DLGAP1: variants seen among roughly 807,000 people sequenced by gnomAD.
The protein encoded by DLGAP1 is DLG associated protein 1.
In DLGAP1, 11 loss-of-function variants were observed where a neutral mutation model predicts 90.8. The observed-to-expected ratio is 0.12, with a 90% confidence interval of 0.08 to 0.20. The LOEUF (loss-of-function observed/expected upper bound fraction) is 0.20. Ranked by LOEUF, DLGAP1 falls within the 10% of genes least tolerant of loss-of-function variation. DLGAP1 has a pLI of 1.00. For synonymous variants in DLGAP1, 558 were observed against 540.7 expected, an observed-to-expected ratio of 1.03 and a Z score of -0.44; for missense variants, 1,050 against 1,333.8, an observed-to-expected ratio of 0.79 and a Z score of 3.31.
rs1357453120 is a variant in DLGAP1, at chr18:3,551,711, C to A, written c.2057+15779G>T. Among the ~76,000 whole-genome samples, 87 of 33,950 alleles carry A rather than the reference C, an allele frequency of 2.6e-3. 2 individuals are homozygous for A. Among genetic ancestry groups the A allele is most frequent in the African/African-American group, 0.013 (86 of 6,620 alleles). 22.3% of individuals were successfully genotyped at this position (33,950 alleles called of 152,430 possible). A position where few individuals can be genotyped will look rare whatever the true frequency, so the allele number is the denominator to read the frequency against. On this transcript the variant is annotated intron_variant, in intron 9 of 12. Coordinates refer to ENST00000315677, the MANE Select transcript of DLGAP1 (RefSeq NM_004746.4). ...CCCTCCCTCCCTCCCTCCCTCCCTC[C>A]CTCCCTCCCTCCCTTCCTTCCTTCC...
chr18:4,005,860 T>A (rs1159405434), intron 2 of DLGAP1, among the ~76,000 whole-genome samples: 4 of 152,216 alleles, frequency 2.6e-5, no homozygotes, highest in Non-Finnish European at 2.9e-5. Context: ...TTGGTAATTT[T>A]TTTTTATCTG....
intron 2 of DLGAP1, among the ~76,000 whole-genome samples, chr18:4,128,380 C>A (rs1159237324): frequency 1.3e-5 from 2 of 152,144 alleles, no homozygotes; most frequent in Non-Finnish European, 1.5e-5. Context: ...ACTTGAGCAT[C>A]TGTGGATTTT....
At chr18:3,963,869 A>C (rs1296396730) in intron 3 of DLGAP1, among the ~76,000 whole-genome samples, 1 of 152,226 alleles carries the variant, frequency 6.6e-6, no homozygotes, top group Non-Finnish European at 1.5e-5. Flanking sequence ...TGTACAAAGA[A>C]AAAGGAAGGT....
At chr18:3,558,469 G>A (rs1427184732) in intron 9 of DLGAP1, among the ~76,000 whole-genome samples, 1 of 152,132 alleles carries the variant, frequency 6.6e-6, no homozygotes, top group African/African-American at 2.4e-5. Context: ...CTGACCTCAA[G>A]TGATCCGCCC....
At position 4,093,234 on chromosome 18, in the gene DLGAP1, G is replaced by T. The variant is rs554179566; in HGVS notation, c.-159+57946C>A. ...AAGTGAAGGCTACATTACAACTATT[G>T]AATAAGAATATTTTAAGGAAGAAAA... is the stretch of plus-strand genomic sequence containing the variant. On this transcript the variant is annotated intron_variant, in intron 2 of 12. Transcript: ENST00000315677. Among the ~76,000 whole-genome samples, 4 of 152,178 alleles carry T rather than the reference G, an allele frequency of 2.6e-5. No homozygotes were observed. The East Asian group carries it at 5.8e-4, about 22-fold the overall frequency.
intron 3 of DLGAP1, among the ~76,000 whole-genome samples, chr18:3,919,204 T>C (rs1599159287): frequency 6.6e-6 from 1 of 152,362 alleles, no homozygotes; most frequent in Non-Finnish European, 1.5e-5. Context: ...TGAGAAACAC[T>C]TGAAATTCAC....
intron 5 of DLGAP1, among the ~76,000 whole-genome samples, chr18:3,764,657 C>T (rs1354311195): frequency 6.6e-6 from 1 of 152,200 alleles, no homozygotes; most frequent in Non-Finnish European, 1.5e-5. Flanking sequence ...TTGCAAGACT[C>T]ATATGAAGGT....
intron 1 of DLGAP1, among the ~76,000 whole-genome samples, chr18:4,451,221 T>G (rs1032362851): frequency 6.6e-5 from 10 of 152,206 alleles, no homozygotes; most frequent in Admixed American, 6.6e-4. Context: ...TACCAACCTC[T>G]GTACAATCAG....
intron 1 of DLGAP1, among the ~76,000 whole-genome samples, chr18:4,323,356 T>C (rs932673059): frequency 7.2e-5 from 11 of 152,152 alleles, no homozygotes; most frequent in Non-Finnish European, 2.9e-5. Context: ...AGCACAGCTA[T>C]TACAGAAACC....
At chr18:4,131,589 G>C (rs1475552714) in intron 2 of DLGAP1, among the ~76,000 whole-genome samples, 1 of 152,088 alleles carries the variant, frequency 6.6e-6, no homozygotes. Context: ...TTTGATCCAC[G>C]AGATGAGGTC....
chr18:3,704,768 C>T (rs2061382859), intron 7 of DLGAP1, among the ~76,000 whole-genome samples: 1 of 152,096 alleles, frequency 6.6e-6, no homozygotes, highest in Non-Finnish European at 1.5e-5. Context: ...TTGGAGGTAT[C>T]TTGCCAAGAG....
chr18:3,725,977 T>G (rs1370604505), intron 7 of DLGAP1, among the ~76,000 whole-genome samples: 1 of 152,196 alleles, frequency 6.6e-6, no homozygotes, highest in Non-Finnish European at 1.5e-5. Flanking sequence ...TAATAGCATA[T>G]TTTGCTGAAA....
At chr18:4,245,556 T>C (rs1187122664) in intron 1 of DLGAP1, among the ~76,000 whole-genome samples, 1 of 152,194 alleles carries the variant, frequency 6.6e-6, no homozygotes, top group Non-Finnish European at 1.5e-5. Context: ...TATTATTTTT[T>C]ATAAGCAATA....
intron 8 of DLGAP1, chr18:3,571,222 G>C (rs1372985980): frequency 3.3e-5 from 5 of 151,760 alleles, no homozygotes; most frequent in Non-Finnish European, 7.4e-5. Context: ...TGCTGGATGA[G>C]ATCTTGCTAT....
intron 8 of DLGAP1, among the ~76,000 whole-genome samples, chr18:3,581,205 G>C (rs2055489067): frequency 6.6e-6 from 1 of 152,202 alleles, no homozygotes; most frequent in South Asian, 2.1e-4. Context: ...GAGAAGGAGG[G>C]AAATGAGGGG....
chr18:3,915,608 T>G (rs994828616), intron 3 of DLGAP1, among the ~76,000 whole-genome samples: 1 of 152,166 alleles, frequency 6.6e-6, no homozygotes, highest in South Asian at 2.1e-4. Context: ...GGTTTTAAGA[T>G]CAATTAAATC....
intron 2 of DLGAP1, among the ~76,000 whole-genome samples, chr18:4,067,179 G>A (rs1288597401): frequency 6.6e-6 from 1 of 152,054 alleles, no homozygotes; most frequent in African/African-American, 2.4e-5. Flanking sequence ...TTACCTGAAG[G>A]TGGAGGTTGG....
At chr18:4,343,689 A>G (rs2081249169) in intron 1 of DLGAP1, among the ~76,000 whole-genome samples, 1 of 152,072 alleles carries the variant, frequency 6.6e-6, no homozygotes, top group African/African-American at 2.4e-5. Context: ...TAGGAGAAAT[A>G]CCTAATGTAG....
At chr18:4,448,976 T>C (rs1441722489) in intron 1 of DLGAP1, among the ~76,000 whole-genome samples, 2 of 152,206 alleles carry the variant, frequency 1.3e-5, no homozygotes, top group Non-Finnish European at 2.9e-5. Context: ...GAACTTTTGC[T>C]TTCTTCCACT....
Sources: gnomAD v4.1 joint callset for allele counts (sites outside exome capture counted in the v4.1 genomes callset) on GRCh38, gnomAD v4.1.1 for gene constraint, MANE v1.5 for transcripts, NCBI Gene and HGNC (gene_info 2026-07-23, HGNC 2026-07-21) for gene names.